The following MED26 variants were observed in gnomAD, a reference collection of about 807,000 sequenced individuals.
MED26 encodes the protein mediator of RNA polymerase II transcription subunit 26.
Under a neutral mutation model 43.7 loss-of-function variants are expected in MED26, and 7 were observed. That is an observed-to-expected ratio of 0.16 (90% CI 0.09 to 0.30). The LOEUF (loss-of-function observed/expected upper bound fraction) is 0.30, where lower values mean the gene tolerates loss of function less well. MED26 is among the 10% of genes least tolerant of loss of function. MED26 has a pLI of 1.00. For synonymous variants in MED26, 375 were observed against 371.1 expected (o/e 1.01, Z -0.12); for missense variants, 784 against 840.6 (o/e 0.93, Z 0.83).
chr19:16,617,177 GCACAAGTCTTC>G (rs1172754001), intron 1 of MED26, among the ~76,000 whole-genome samples: 1 of 152,146 alleles, frequency 6.6e-6, no homozygotes, highest in Non-Finnish European at 1.5e-5. Context: ...GAGAGGCAAT[GCACAAGTCTTC>G]CACATACCAT....
At chr19:16,601,001 C>T (rs985274027) in intron 1 of MED26, among the ~76,000 whole-genome samples, 3 of 151,734 alleles carry the variant, frequency 2.0e-5, no homozygotes, top group African/African-American at 7.3e-5. Context: ...GGCTGAGGCA[C>T]GAAAATTGAA....
At chr19:16,618,610 C>G (rs1187262543) in intron 1 of MED26, among the ~76,000 whole-genome samples, 1 of 152,178 alleles carries the variant, frequency 6.6e-6, no homozygotes, top group Non-Finnish European at 1.5e-5. Context: ...CCCATTTTGC[C>G]TTCTGGAGCC....
intron 1 of MED26, among the ~76,000 whole-genome samples, chr19:16,612,857 T>G (rs188896399): frequency 1.2e-4 from 19 of 152,266 alleles, no homozygotes; most frequent in Admixed American, 1.2e-3. Flanking sequence ...CATTTAGAAA[T>G]GTGTAAATTA....
intron 1 of MED26, among the ~76,000 whole-genome samples, chr19:16,595,764 T>G (rs1419471571): frequency 6.6e-6 from 1 of 152,248 alleles, no homozygotes; most frequent in Non-Finnish European, 1.5e-5. Context: ...TTCTTGTTGC[T>G]ACATAATCTT....
In MED26 at chr19:16,577,115, G is replaced by C; in HGVS notation, c.715C>G (p.Pro239Ala). The C allele has an allele frequency of 6.2e-7, 1 of 1,613,092 alleles. No homozygotes were observed. Among genetic ancestry groups the C allele is most frequent in the South Asian group, 1.1e-5 (1 of 91,068 alleles). Residue 239 changes from proline (P) to alanine (A), a missense_variant, in exon 3 of 3, where the codon CCT becomes GCT. Around this residue, in one of 3 missense-constraint regions of MED26, gnomAD observed 719 missense variants for 730.9 expected, o/e 0.98. Transcript: ENST00000263390. The surrounding 1 kb of genome is among the most constrained non-coding windows in gnomAD (Gnocchi z 8.1). ...GCCTTTGGCTGCAAGCAGGGTCCAG[G>C]GGGCTTGCCCAGGCCCGGGGAGCTG... ...HTSSPGLGKPPGPCLQPKASV... is the reference protein window; with the variant it reads ...HTSSPGLGKPAGPCLQPKASV...
At position 16,576,624 on chromosome 19, in the gene MED26, A is replaced by G. The variant is rs557865573; in HGVS notation, c.1206T>C (p.Tyr402=). The change falls in exon 3 of 3, where the codon TAT becomes TAC. Residue 402 remains tyrosine, a synonymous_variant. Transcript: ENST00000263390. The surrounding 1 kb of genome is among the most constrained non-coding windows in gnomAD (Gnocchi z 6.8). The stretch of plus-strand genomic sequence containing the variant: ...CCACCTGCCCGTCCAAGTTAACCGT[A>G]TAGTCTCGAGGTCGGTACCTCTTCT... ...KKKKRYRPRD[Y]TVNLDGQVAE... is the part of the protein sequence containing the mutation. 2.2e-5 allele frequency: 36 copies of G among 1,614,192 alleles called. No homozygotes were observed. In the South Asian group the frequency reaches 4.0e-4, roughly 18 times the overall value.
intron 1 of MED26, among the ~76,000 whole-genome samples, chr19:16,620,632 T>C (rs1458154251): frequency 1.3e-5 from 2 of 152,186 alleles, no homozygotes; most frequent in African/African-American, 4.8e-5. Context: ...AGCAGGAATA[T>C]AAGGTGTTAA....
Position 16,618,506 on chromosome 19 carries a change from A to T in MED26, c.72+9366T>A, listed in dbSNP as rs536742931. Among the ~76,000 whole-genome samples, 8 of 152,290 alleles carry T rather than the reference A, an allele frequency of 5.3e-5. No homozygotes were observed. In the East Asian group the frequency reaches 1.5e-3, roughly 29 times the overall value. ...AGTCTGTGGTTTAACCAGAACAAGA[A>T]GGTACTCACAACTCCACGCGGTGAC... On this transcript the variant is annotated intron_variant, in intron 1 of 2. Transcript: ENST00000263390.
At chr19:16,590,322 C>T (rs563539162) in intron 1 of MED26, among the ~76,000 whole-genome samples, 61 of 152,318 alleles carry the variant, frequency 4.0e-4, no homozygotes, top group South Asian at 1.9e-3. Flanking sequence ...GCCACAGATT[C>T]GTTACTAACC....
chr19:16,596,307 G>C (rs2086119764), intron 1 of MED26, among the ~76,000 whole-genome samples: 1 of 152,246 alleles, frequency 6.6e-6, no homozygotes, highest in South Asian at 2.1e-4. Flanking sequence ...CGTCAGAGCT[G>C]TTATCCTGCC....
chr19:16,627,548 G>A (rs1334425621), intron 1 of MED26, among the ~76,000 whole-genome samples: 4 of 152,224 alleles, frequency 2.6e-5, no homozygotes, highest in African/African-American at 9.7e-5. Flanking sequence ...CCGGAGGGAG[G>A]GCGAGGCAGA....
At chr19:16,621,858 T>C (rs1321879623) in intron 1 of MED26, among the ~76,000 whole-genome samples, 8 of 151,966 alleles carry the variant, frequency 5.3e-5, no homozygotes, top group Admixed American at 6.5e-5. Context: ...GCAAATCTAA[T>C]CCAGAGGGTA....
chr19:16,578,243 C>A (rs749069241), intron 2 of MED26, 92 bp downstream of exon 2: 33 of 1,202,620 alleles, frequency 2.7e-5, no homozygotes, highest in Non-Finnish European at 4.1e-5. Context: ...AGCAAAGACA[C>A]TGATGCTCCC....
chr19:16,606,575 A>G (rs1476459829), intron 1 of MED26, among the ~76,000 whole-genome samples: 1 of 152,210 alleles, frequency 6.6e-6, no homozygotes, highest in Non-Finnish European at 1.5e-5. Context: ...AAATAAAAAT[A>G]AAAACAAAAA....
At chr19:16,600,203 C>T (rs913798992) in intron 1 of MED26, among the ~76,000 whole-genome samples, 2 of 151,866 alleles carry the variant, frequency 1.3e-5, no homozygotes, top group Non-Finnish European at 2.9e-5. Flanking sequence ...GCAGCAGCCC[C>T]CTCCTGCTCC....
chr19:16,627,939 G>A lies in MED26; in HGVS notation c.5C>T (p.Thr2Ile). M[T>I]AAPASPQQIR... Reference sequence around the variant, plus strand: ...CTGCTGCGGAGACGCCGGAGCCGCTGTCATTGCCTGGGCGAGGCGGGGGGT... The same window carrying A: ...CTGCTGCGGAGACGCCGGAGCCGCTATCATTGCCTGGGCGAGGCGGGGGGT... Residue 2 changes from threonine (T) to isoleucine (I), a missense_variant, in exon 1 of 3, where the codon ACA (threonine) becomes ATA (isoleucine). Thr to Ile is a moderately conservative substitution (Grantham distance 89). Transcript: ENST00000263390. The A allele has an allele frequency of 6.8e-7, 1 of 1,476,810 alleles. No homozygotes were observed. 91.5% of individuals were successfully genotyped at this position (1,476,810 alleles called of 1,614,324 possible).
Position 16,628,067 on chromosome 19 carries a change from G to T in MED26, c.-124C>A, listed in dbSNP as rs1420433047. 9 of 484,588 alleles carry T rather than the reference G, an allele frequency of 1.9e-5. No individual in the cohort carries two copies. Among genetic ancestry groups the T allele is most frequent in the Non-Finnish European group, 3.0e-5 (9 of 303,574 alleles). 30.0% of individuals were successfully genotyped at this position (484,588 alleles called of 1,614,324 possible). ...CGCATGTTCCCCGCGGCGCCGGGGG[G>T]TTGGGGGCGCGCGGGGTGGCGGAGA... On this transcript the variant is annotated 5_prime_UTR_variant, in exon 1 of 3. Transcript: ENST00000263390.
chr19:16,605,229 C>T (rs73516933), intron 1 of MED26, among the ~76,000 whole-genome samples: 4,529 of 152,274 alleles, frequency 0.03, 170 homozygotes, highest in Admixed American at 0.085. Flanking sequence ...CAAATGTACA[C>T]CTGAAATAGG....
At chr19:16,590,182 T>C (rs1238793154) in intron 1 of MED26, among the ~76,000 whole-genome samples, 1 of 152,238 alleles carries the variant, frequency 6.6e-6, no homozygotes, top group East Asian at 1.9e-4. Context: ...CCACTGGGCA[T>C]GGTGCCAGCA....
Sources: allele counts gnomAD v4.1 joint callset (sites outside exome capture counted in the v4.1 genomes callset), GRCh38; gene constraint gnomAD v4.1.1; regional missense constraint gnomAD v4.1.1; non-coding constraint Gnocchi (gnomAD v3.1); transcripts MANE v1.5; gene names NCBI Gene and HGNC (gene_info 2026-07-23, HGNC 2026-07-21).